The following VWA8 variants were observed in gnomAD, a reference collection of about 807,000 sequenced individuals.
The protein encoded by VWA8 is von Willebrand factor A domain-containing protein 8.
VWA8 carries 221 observed loss-of-function variants against 241.5 expected under a neutral mutation model. The observed-to-expected ratio is 0.91, with a 90% CI of 0.82 to 1.02. VWA8 has a LOEUF of 1.02. Among genes scored for constraint, VWA8 ranks in the 50% least tolerant of loss-of-function variants. The pLI, the probability that VWA8 is intolerant of heterozygous loss-of-function variation, is 0.00. For missense variants in VWA8, 2,322 were observed against 2,328.7 expected, an observed-to-expected ratio of 1.00 and a Z score of 0.06; for synonymous variants, 852 against 827.1, an observed-to-expected ratio of 1.03 and a Z score of -0.52.
chr13:41,741,285 A>C (rs372449920), intron 21 of VWA8, among the ~76,000 whole-genome samples: 2 of 152,318 alleles, frequency 1.3e-5, no homozygotes, highest in Admixed American at 6.5e-5. Flanking sequence ...TACTTCAATC[A>C]CATACGATGA....
chr13:41,870,941 T>C (rs962803852), intron 9 of VWA8, among the ~76,000 whole-genome samples: 3 of 152,216 alleles, frequency 2.0e-5, no homozygotes, highest in Non-Finnish European at 4.4e-5. Flanking sequence ...TTTTCTGGCA[T>C]GGAAAATTTA....
chr13:41,837,751 T>C (rs1871805688), intron 12 of VWA8, among the ~76,000 whole-genome samples: 1 of 152,170 alleles, frequency 6.6e-6, no homozygotes, highest in Non-Finnish European at 1.5e-5. Flanking sequence ...GCTTATTCCA[T>C]ACGGGCATTT....
chr13:41,570,662 C>T lies in VWA8; in HGVS notation c.5415G>A (p.Thr1805=), dbSNP rs763935869. 3.8e-5 allele frequency: 62 copies of T among 1,614,114 alleles called. No homozygotes were observed. In the East Asian group the frequency reaches 1.2e-3, roughly 32 times the overall value. Residue 1805 remains threonine (T), a synonymous_variant, in exon 44 of 45, where the codon ACG becomes ACA. Coordinates refer to ENST00000379310, the MANE Select transcript of VWA8 (RefSeq NM_015058.2). The stretch of plus-strand genomic sequence containing the variant: ...TGATGGCATGTTCTGTCCCTTCTAA[C>T]GTGTGGTCCCCACTCATGCAGAACT... ...HSQFCMSGDH[T]LEGTEHAIKE...
Position 41,860,319 on chromosome 13 carries a change from A to G in VWA8, c.1425+5417T>C, listed in dbSNP as rs1049267958. Among the ~76,000 whole-genome samples, 3 of 152,330 alleles carry G rather than the reference A, an allele frequency of 2.0e-5. 1 individual carries two copies. The highest frequency in any genetic ancestry group is 4.1e-4 in the South Asian group (2 of 4,826). On this transcript the variant is annotated intron_variant, in intron 12 of 44. Coordinates refer to ENST00000379310, the MANE Select transcript of VWA8 (RefSeq NM_015058.2). ...GTTTGCTTATCTCTACTGTTTCCCAATCTTTGCAGGACATCTAAAAGGTTG... is the reference window on the plus strand; with the variant it reads ...GTTTGCTTATCTCTACTGTTTCCCAGTCTTTGCAGGACATCTAAAAGGTTG...
intron 4 of VWA8, among the ~76,000 whole-genome samples, chr13:41,899,867 T>C (rs1276783774): frequency 6.6e-6 from 1 of 152,234 alleles, no homozygotes; most frequent in East Asian, 1.9e-4. Flanking sequence ...CTTAACCTCC[T>C]TACATCAATA....
chr13:41,739,800 C>G (rs1209583317), intron 21 of VWA8, among the ~76,000 whole-genome samples: 1 of 150,840 alleles, frequency 6.6e-6, no homozygotes, highest in Non-Finnish European at 1.5e-5. Context: ...TCAACCCCAG[C>G]CTATCTTCCA....
At chr13:41,708,222 G>C (rs936074285) in intron 26 of VWA8, among the ~76,000 whole-genome samples, 1 of 152,074 alleles carries the variant, frequency 6.6e-6, no homozygotes, top group Non-Finnish European at 1.5e-5. Flanking sequence ...TTAGCCAGGC[G>C]TGGTGGCGCA....
chr13:41,588,161 A>C (rs1424388968), intron 41 of VWA8, among the ~76,000 whole-genome samples: 1 of 152,200 alleles, frequency 6.6e-6, no homozygotes, highest in South Asian at 2.1e-4. Flanking sequence ...GATTCCTAAA[A>C]CAAAGTTATG....
intron 42 of VWA8, among the ~76,000 whole-genome samples, chr13:41,578,365 T>C (rs765542044): frequency 5.9e-5 from 9 of 152,126 alleles, no homozygotes; most frequent in Admixed American, 6.5e-5. Context: ...AATAAAACGC[T>C]TGGGAGGAAT....
At chr13:41,659,716 G>A (rs1445565442) in intron 37 of VWA8, among the ~76,000 whole-genome samples, 1 of 152,114 alleles carries the variant, frequency 6.6e-6, no homozygotes, top group Non-Finnish European at 1.5e-5. Flanking sequence ...TACTTAAGTA[G>A]ACAACAACAA....
At chr13:41,761,308 T>C in intron 20 of VWA8, 104 bp from the exon 21 acceptor site, 1 of 1,096,124 alleles carries the variant, frequency 9.1e-7, no homozygotes, top group Admixed American at 2.1e-5. Flanking sequence ...TCTCACCTTG[T>C]TACTGTTTTA....
At chr13:41,731,048 AT>A (rs1264059277) in intron 22 of VWA8, among the ~76,000 whole-genome samples, 3 of 150,836 alleles carry the variant, frequency 2.0e-5, no homozygotes, top group South Asian at 2.1e-4. Context: ...AAATAAAAAA[AT>A]AAAATAAAAT....
Position 41,783,852 on chromosome 13 carries a change from G to C in VWA8, c.2220C>G (p.Ile740Met). 6.2e-7 allele frequency: 1 copy of C among 1,613,714 alleles called. No individual in the cohort carries two copies. Among genetic ancestry groups the C allele is most frequent in the Non-Finnish European group, 8.5e-7 (1 of 1,179,902 alleles). The change falls in exon 19 of 45, where the codon ATC becomes ATG. Residue 740 changes from isoleucine (I) to methionine (M), a missense_variant. By Grantham distance (10) the Ile-to-Met change is conservative. Transcript: ENST00000379310. ...CTTTCATTTTCTCATGTGCATTATA[G>C]ATCGGTGCACTAACAGCACCAATCC... ...TLRIGAVSAP[I>M]YNAHEKMKVP...
At chr13:41,950,558 C>T (rs573331773) in intron 1 of VWA8, among the ~76,000 whole-genome samples, 23 of 150,884 alleles carry the variant, frequency 1.5e-4, no homozygotes, top group African/African-American at 5.4e-4. Context: ...TTAGTAGAGA[C>T]GGGGTTTCAC....
intron 37 of VWA8, among the ~76,000 whole-genome samples, chr13:41,615,929 A>T (rs1052887298): frequency 6.6e-6 from 1 of 152,238 alleles, no homozygotes; most frequent in African/African-American, 2.4e-5. Context: ...AGATGCAATG[A>T]TTTCCCAGAA....
chr13:41,719,213 G>C (rs1173787268), intron 26 of VWA8: 13 of 465,178 alleles, frequency 2.8e-5, no homozygotes, highest in Non-Finnish European at 3.1e-5. Flanking sequence ...TATAGTAACA[G>C]AAATAAGAAC....
intron 4 of VWA8, among the ~76,000 whole-genome samples, chr13:41,903,814 T>G (rs1008204316): frequency 6.6e-6 from 1 of 152,074 alleles, no homozygotes; most frequent in African/African-American, 2.4e-5. Context: ...ACTGGTAGGA[T>G]CTGATTATGA....
chr13:41,657,674 A>G (rs1185368337), intron 37 of VWA8, among the ~76,000 whole-genome samples: 1 of 151,548 alleles, frequency 6.6e-6, no homozygotes. Flanking sequence ...TATTTTTAGT[A>G]GAGACGGGGT....
chr13:41,885,796 T>G, intron 8 of VWA8, 124 bp downstream of exon 8: 1 of 686,522 alleles, frequency 1.5e-6, no homozygotes, highest in Non-Finnish European at 2.4e-6. Flanking sequence ...CAAATTAATC[T>G]CAGGCCTTAC....
Sources: gnomAD v4.1 joint callset for allele counts (sites outside exome capture counted in the v4.1 genomes callset) on GRCh38, gnomAD v4.1.1 for gene constraint, MANE v1.5 for transcripts, NCBI Gene and HGNC (gene_info 2026-07-23, HGNC 2026-07-21) for gene names.